Variants in TYW3 observed in about 807,000 individuals in gnomAD.
The protein encoded by TYW3 is tRNA-yW synthesizing protein 3 homolog.
TYW3 carries 26 observed loss-of-function variants against 23.1 expected under a neutral mutation model. The ratio of observed to expected loss-of-function variants is 1.13; its 90% CI spans 0.83 to 1.56. The LOEUF is 1.56. Ranked by LOEUF, TYW3 falls within the 40% of genes most tolerant of loss-of-function variation. TYW3 has a pLI of 0.00. For missense variants in TYW3, 316 were observed against 311.9 expected (o/e 1.01, Z -0.10); for synonymous variants, 102 against 105.7 (o/e 0.97, Z 0.21).
chr1:74,758,732 AG>A (rs375993462), intron 5 of TYW3, among the ~76,000 whole-genome samples: 308 of 152,216 alleles, frequency 2.0e-3, no homozygotes, highest in African/African-American at 6.9e-3. Context: ...AGTGCAAAAC[AG>A]GTATTTCTAT....
At chr1:74,733,852 T>G (rs571990694) in intron 1 of TYW3, among the ~76,000 whole-genome samples, 1 of 152,348 alleles carries the variant, frequency 6.6e-6, no homozygotes, top group South Asian at 2.1e-4. Flanking sequence ...TCATTGTTAC[T>G]GCATGCTTGA....
At chr1:74,752,213 C>T in intron 4 of TYW3, 79 bp from the exon 5 acceptor site, 2 of 1,439,996 alleles carry the variant, frequency 1.4e-6, no homozygotes, top group Non-Finnish European at 9.4e-7. Flanking sequence ...CAAACACAGC[C>T]CTGACGGGAC....
At chr1:74,741,909 G>A (rs61790731) in intron 3 of TYW3, among the ~76,000 whole-genome samples, 6,778 of 152,270 alleles carry the variant, frequency 0.045, 178 homozygotes, top group Non-Finnish European at 0.058. Flanking sequence ...GCACAGTGAA[G>A]GTGATATTGT....
chr1:74,735,404 T>A (rs951142141), intron 1 of TYW3, among the ~76,000 whole-genome samples: 1 of 152,292 alleles, frequency 6.6e-6, no homozygotes, highest in Middle Eastern at 3.4e-3. Flanking sequence ...CTCTCCCACC[T>A]GAACCCACAA....
At chr1:74,761,586 G>T (rs578123506) in intron 5 of TYW3, 1 of 152,064 alleles carries the variant, frequency 6.6e-6, no homozygotes, top group East Asian at 1.9e-4. Flanking sequence ...TTATGATCAG[G>T]ATGAGCCACA....
intron 3 of TYW3, among the ~76,000 whole-genome samples, chr1:74,739,497 TAAAG>T (rs1452551493): frequency 6.6e-6 from 1 of 152,168 alleles, no homozygotes. Flanking sequence ...AGCTAAGACT[TAAAG>T]GAACAGAAAG....
intron 3 of TYW3, among the ~76,000 whole-genome samples, chr1:74,740,116 A>G (rs1648299710): frequency 6.6e-6 from 1 of 152,174 alleles, no homozygotes; most frequent in Non-Finnish European, 1.5e-5. Context: ...AGTGAGTGTG[A>G]CAGTTCTTAA....
rs925216573 is a variant in TYW3, at chr1:74,736,610, A to G, written c.243A>G (p.Val81=). 7 of 1,600,772 alleles carry G rather than the reference A, an allele frequency of 4.4e-6. No individual in the cohort carries two copies. In the African/African-American group the frequency reaches 8.0e-5, roughly 18 times the overall value. ...TACTGGTTACACACAAACTTTGTGT[A>G]AAAGATGATGTGGTAAGTTTTAAAA... ...CWLLVTHKLC[V]KDDVIVALKK... is the part of the protein sequence containing the mutation. Residue 81 remains valine, a synonymous_variant, in exon 2 of 6, where the codon GTA becomes GTG. Transcript: ENST00000370867.
chr1:74,742,996 G>A (rs1648416511), intron 3 of TYW3, among the ~76,000 whole-genome samples: 1 of 152,174 alleles, frequency 6.6e-6, no homozygotes, highest in African/African-American at 2.4e-5. Context: ...CTCAGTGAGG[G>A]TGATGACATG....
At chr1:74,747,732 T>C (rs6688964) in intron 3 of TYW3, among the ~76,000 whole-genome samples, 1 of 150,912 alleles carries the variant, frequency 6.6e-6, no homozygotes, top group Non-Finnish European at 1.5e-5. Flanking sequence ...TGTATACACA[T>C]ATATACACAC....
At chr1:74,743,947 G>T (rs1648452751) in intron 3 of TYW3, among the ~76,000 whole-genome samples, 1 of 152,142 alleles carries the variant, frequency 6.6e-6, no homozygotes, top group Non-Finnish European at 1.5e-5. Context: ...TTCCCCAGAT[G>T]TACCTTGATC....
intron 5 of TYW3, among the ~76,000 whole-genome samples, chr1:74,762,401 A>G (rs555459765): frequency 6.6e-6 from 1 of 152,256 alleles, no homozygotes; most frequent in East Asian, 1.9e-4. Flanking sequence ...GTAAGATGAG[A>G]TCTCTGCAGT....
Position 74,748,745 on chromosome 1 carries a change from T to G in TYW3, c.355-6T>G. The G allele has an allele frequency of 6.2e-7, 1 of 1,613,810 alleles. No homozygotes were observed. Among genetic ancestry groups the G allele is most frequent in the Non-Finnish European group, 8.5e-7 (1 of 1,179,766 alleles). On this transcript the variant is annotated splice_region_variant and splice_polypyrimidine_tract_variant and intron_variant, in intron 3 of 5. Coordinates refer to ENST00000370867, the MANE Select transcript of TYW3 (RefSeq NM_138467.3). The stretch of plus-strand genomic sequence containing the variant: ...TCAAAATGTAACAAGTTTTATTTTC[T>G]TACAGCATTCCATGGCAATAGATTC...
At chr1:74,757,357 G>A (rs1000685765) in intron 5 of TYW3, among the ~76,000 whole-genome samples, 2 of 152,192 alleles carry the variant, frequency 1.3e-5, no homozygotes, top group Non-Finnish European at 2.9e-5. Flanking sequence ...AAGCCACAGA[G>A]GCAGAGCTGC....
intron 5 of TYW3, among the ~76,000 whole-genome samples, chr1:74,760,269 A>T (rs1459378888): frequency 6.6e-6 from 1 of 152,164 alleles, no homozygotes; most frequent in Non-Finnish European, 1.5e-5. Context: ...GAGAAGGTAG[A>T]AGGAGAAGCA....
intron 3 of TYW3, among the ~76,000 whole-genome samples, chr1:74,743,323 G>T (rs1323418649): frequency 1.3e-5 from 2 of 152,010 alleles, no homozygotes; most frequent in African/African-American, 2.4e-5. Context: ...TTCCTTTTGG[G>T]CCTGTTCCTC....
At chr1:74,762,519 T>G (rs1007666404) in intron 5 of TYW3, among the ~76,000 whole-genome samples, 2 of 152,100 alleles carry the variant, frequency 1.3e-5, no homozygotes, top group Non-Finnish European at 2.9e-5. Context: ...TTCAATATAG[T>G]CTTACTGAGT....
rs1302586574 is a variant in TYW3, at chr1:74,763,995, AAAG to A, written c.665_667del (p.Arg222del). 1 of 1,611,186 alleles carries A rather than the reference AAAG, an allele frequency of 6.2e-7. No individual in the cohort carries two copies. The highest frequency in any genetic ancestry group is 1.1e-5 in the South Asian group (1 of 90,154). Reference sequence around the variant, plus strand: ...AACTCATCATATATTCATAAGAAAAAAAGAAACCCAGAAAAAACACGTGCCCAG... The same window carrying A: ...AACTCATCATATATTCATAAGAAAAAAAACCCAGAAAAAACACGTGCCCAG... On this transcript the variant is annotated inframe_deletion, in exon 6 of 6. Transcript: ENST00000370867.
chr1:74,733,332 G>GT lies in TYW3; in HGVS notation c.89dup (p.Val31GlyfsTer27). 6.2e-7 allele frequency: 1 copy of GT among 1,614,226 alleles called. No individual in the cohort carries two copies. Among genetic ancestry groups the GT allele is most frequent in the African/African-American group, 1.3e-5 (1 of 75,062 alleles). On this transcript the variant is annotated frameshift_variant, in exon 1 of 6. Transcript: ENST00000370867. LOFTEE classifies it high-confidence loss of function. Reference sequence around the variant, plus strand: ...CCGGAAGGGCAGTGTTGACGAGGATGTGGTAGAGCTTGTGCAGTTTCTGAA... The same window carrying GT: ...CCGGAAGGGCAGTGTTGACGAGGATGTTGGTAGAGCTTGTGCAGTTTCTGAA...
Sources: allele counts gnomAD v4.1 joint callset (sites outside exome capture counted in the v4.1 genomes callset), GRCh38; gene constraint gnomAD v4.1.1; transcripts MANE v1.5; gene names NCBI Gene and HGNC (gene_info 2026-07-23, HGNC 2026-07-21).